Variants in CTNNA3 observed in about 807,000 individuals in gnomAD.
The protein encoded by CTNNA3 is catenin alpha 3.
Under a neutral mutation model 95.7 loss-of-function variants are expected in CTNNA3, and 76 were observed. The observed-to-expected ratio is 0.79, with a 90% CI of 0.66 to 0.96. CTNNA3 has a LOEUF of 0.96. CTNNA3 is among the 40% of genes least tolerant of loss of function. CTNNA3 has a pLI of 0.00. For synonymous variants in CTNNA3, 431 were observed against 374.4 expected, an observed-to-expected ratio of 1.15 and a Z score of -1.74; for missense variants, 1,191 against 1,089.8, an observed-to-expected ratio of 1.09 and a Z score of -1.31.
intron 7 of CTNNA3, among the ~76,000 whole-genome samples, chr10:66,932,966 A>G (rs1847492329): frequency 6.6e-6 from 1 of 152,236 alleles, no homozygotes; most frequent in Non-Finnish European, 1.5e-5. Context: ...TCACAGGTAC[A>G]TTTCCTGGCT....
At chr10:67,152,763 T>C (rs545865052) in intron 7 of CTNNA3, among the ~76,000 whole-genome samples, 4 of 138,128 alleles carry the variant, frequency 2.9e-5, no homozygotes, top group African/African-American at 1.2e-4. Flanking sequence ...AAGAGAATGA[T>C]TATACTTTTT....
At chr10:66,237,976 T>A (rs2089935688) in intron 13 of CTNNA3, among the ~76,000 whole-genome samples, 1 of 151,096 alleles carries the variant, frequency 6.6e-6, no homozygotes, top group Non-Finnish European at 1.5e-5. Flanking sequence ...AAATGATAAA[T>A]TTTTTTTCTA....
At chr10:67,354,455 T>A (rs1842739996) in intron 5 of CTNNA3, among the ~76,000 whole-genome samples, 1 of 152,062 alleles carries the variant, frequency 6.6e-6, no homozygotes, top group African/African-American at 2.4e-5. Flanking sequence ...GTAACTTGAA[T>A]TATTCATTTA....
chr10:65,948,042 C>A (rs776077197), intron 17 of CTNNA3, among the ~76,000 whole-genome samples: 1 of 152,098 alleles, frequency 6.6e-6, no homozygotes, highest in African/African-American at 2.4e-5. Flanking sequence ...CTTTGGGAGG[C>A]CAAGGTGGGC....
At chr10:67,455,663 C>T (rs1394774225) in intron 5 of CTNNA3, among the ~76,000 whole-genome samples, 1 of 152,096 alleles carries the variant, frequency 6.6e-6, no homozygotes, top group Admixed American at 6.6e-5. Flanking sequence ...AAACCCAAAC[C>T]CCAGTCTAAC....
intron 14 of CTNNA3, among the ~76,000 whole-genome samples, chr10:66,080,803 G>T (rs1442965881): frequency 6.6e-6 from 1 of 152,138 alleles, no homozygotes; most frequent in African/African-American, 2.4e-5. Context: ...AATGTCATTA[G>T]ACCATCTGTG....
chr10:67,021,546 TG>T (rs1179843789), intron 7 of CTNNA3, among the ~76,000 whole-genome samples: 1 of 152,092 alleles, frequency 6.6e-6, no homozygotes, highest in Non-Finnish European at 1.5e-5. Context: ...AAAAATTTGA[TG>T]GGTTGCTATG....
At chr10:66,427,358 G>C (rs2093251545) in intron 11 of CTNNA3, among the ~76,000 whole-genome samples, 1 of 151,200 alleles carries the variant, frequency 6.6e-6, no homozygotes, top group Non-Finnish European at 1.5e-5. Flanking sequence ...GTACTATCTT[G>C]GCTTATATTC....
intron 5 of CTNNA3, among the ~76,000 whole-genome samples, chr10:67,465,664 G>A (rs947808481): frequency 2.0e-4 from 30 of 152,094 alleles, no homozygotes; most frequent in Non-Finnish European, 4.1e-4. Flanking sequence ...TCACATGGAG[G>A]TCAACTCAGC....
At chr10:66,969,586 GT>G (rs1323237759) in intron 7 of CTNNA3, among the ~76,000 whole-genome samples, 1 of 151,974 alleles carries the variant, frequency 6.6e-6, no homozygotes, top group Non-Finnish European at 1.5e-5. Context: ...ACACCACACT[GT>G]TTTCATGATA....
At chr10:66,505,671 A>G (rs890982971) in intron 11 of CTNNA3, among the ~76,000 whole-genome samples, 1 of 152,222 alleles carries the variant, frequency 6.6e-6, no homozygotes, top group African/African-American at 2.4e-5. Context: ...AACATCTTGA[A>G]TGTGTCAGTC....
At chr10:67,414,864 T>G (rs1474394372) in intron 5 of CTNNA3, among the ~76,000 whole-genome samples, 1 of 152,186 alleles carries the variant, frequency 6.6e-6, no homozygotes, top group African/African-American at 2.4e-5. Flanking sequence ...TTGCACATGT[T>G]GCAAATCAAC....
chr10:66,448,477 C>G (rs1306746278), intron 11 of CTNNA3, among the ~76,000 whole-genome samples: 1 of 152,148 alleles, frequency 6.6e-6, no homozygotes, highest in Admixed American at 6.5e-5. Flanking sequence ...CACATATACA[C>G]CATGGAATAC....
chr10:67,702,752 C>T lies in CTNNA3; in HGVS notation c.-1-55238G>A, dbSNP rs180912394. ...AAGACCAAACACATTCAAAAGCTAG[C>T]AGAAGGCAAGAAATAACTAAGATCA... On this transcript the variant is annotated intron_variant, in intron 1 of 17. Coordinates refer to the CTNNA3 transcript ENST00000684154. Among the ~76,000 whole-genome samples, 240 of 152,200 alleles carry T rather than the reference C, an allele frequency of 1.6e-3. 2 individuals carry two copies. The highest frequency in any genetic ancestry group is 2.6e-3 in the Non-Finnish European group (179 of 68,002).
chr10:67,600,129 A>G (rs1356730297), intron 3 of CTNNA3, among the ~76,000 whole-genome samples: 1 of 152,140 alleles, frequency 6.6e-6, no homozygotes, highest in Non-Finnish European at 1.5e-5. Flanking sequence ...GGTACTGGAA[A>G]AACTAAACAT....
At chr10:66,059,358 T>C (rs897317646) in intron 15 of CTNNA3, among the ~76,000 whole-genome samples, 1 of 152,156 alleles carries the variant, frequency 6.6e-6, no homozygotes, top group African/African-American at 2.4e-5. Flanking sequence ...TCTTTTATTG[T>C]CTGTTCAACA....
chr10:66,977,568 C>T (rs907888172), intron 7 of CTNNA3, among the ~76,000 whole-genome samples: 2 of 152,134 alleles, frequency 1.3e-5, no homozygotes, highest in East Asian at 3.8e-4. Flanking sequence ...TTCACTGTCA[C>T]GTGTAAAATA....
At chr10:67,574,616 T>C (rs1300539124) in intron 3 of CTNNA3, among the ~76,000 whole-genome samples, 2 of 147,452 alleles carry the variant, frequency 1.4e-5, no homozygotes, top group African/African-American at 2.5e-5. Flanking sequence ...AGTCTCCCAC[T>C]GTCGCCCAGG....
intron 7 of CTNNA3, among the ~76,000 whole-genome samples, chr10:66,988,307 T>G (rs1467004008): frequency 6.6e-6 from 1 of 152,220 alleles, no homozygotes; most frequent in Non-Finnish European, 1.5e-5. Context: ...TTTGTTTGAA[T>G]TTAGCTCATT....
Sources: allele counts gnomAD v4.1 joint callset (sites outside exome capture counted in the v4.1 genomes callset), GRCh38; gene constraint gnomAD v4.1.1; transcripts MANE v1.5; gene names NCBI Gene and HGNC (gene_info 2026-07-23, HGNC 2026-07-21).